The following MAPK8IP2 variants were observed in gnomAD, a reference collection of about 807,000 sequenced individuals.
MAPK8IP2 encodes C-Jun-amino-terminal kinase-interacting protein 2.
In MAPK8IP2, 15 loss-of-function variants were observed where a neutral mutation model predicts 75.6. The ratio of observed to expected loss-of-function variants is 0.20; its 90% CI spans 0.13 to 0.31. The LOEUF (loss-of-function observed/expected upper bound fraction) is 0.31, where lower values mean the gene tolerates loss of function less well. MAPK8IP2 is among the 10% of genes least tolerant of loss of function. The pLI, the probability that MAPK8IP2 is intolerant of heterozygous loss-of-function variation, is 1.00. For missense variants in MAPK8IP2, 1,089 were observed against 1,211.2 expected (o/e 0.90, Z 1.50); for synonymous variants, 632 against 554.5 (o/e 1.14, Z -1.96).
chr22:50,604,658 C>A lies in MAPK8IP2; in HGVS notation c.1359C>A (p.Pro453=), dbSNP rs1364085059. The A allele has an allele frequency of 6.6e-7, 1 of 1,522,146 alleles. No individual in the cohort carries two copies. The highest frequency in any genetic ancestry group is 8.8e-7 in the Non-Finnish European group (1 of 1,139,804). 94.3% of individuals were successfully genotyped at this position (1,522,146 alleles called of 1,614,324 possible). A position where few individuals can be genotyped will look rare whatever the true frequency, so the allele number is the denominator to read the frequency against. ...CCATCACGCCGCTGTGGGCCGCGCC[C>A]GGCCGCGCCGCCCGCCCGGGACGAG... ...RDTITPLWAA[P]GRAARPGRAC... The change falls in exon 5 of 12, where the codon CCC becomes CCA. Residue 453 remains proline (P), a synonymous_variant. Transcript: ENST00000329492.
Position 50,601,857 on chromosome 22 carries a change from G to A in MAPK8IP2, c.134G>A (p.Gly45Asp). The A allele has an allele frequency of 6.2e-7, 1 of 1,613,926 alleles. No homozygotes were observed. The change falls in exon 2 of 12, where the codon GGC (glycine) becomes GAC (aspartate). Residue 45 changes from glycine to aspartate, a missense_variant. Gly to Asp is a moderately conservative substitution (Grantham distance 94). Coordinates refer to ENST00000329492, the MANE Select transcript of MAPK8IP2 (RefSeq NM_012324.6). The part of the protein sequence containing the change: ...EDLSEITDDC[G>D]LGLSYDSDHC... ...CTGTCTGAGATCACTGATGACTGTG[G>A]CCTGGGCCTCAGCTACGACTCAGAC...
chr22:50,605,513 C>T (rs781440700), intron 6 of MAPK8IP2, 49 bp from the exon 7 acceptor site: 24 of 1,594,956 alleles, frequency 1.5e-5, no homozygotes, highest in Middle Eastern at 1.7e-4. Context: ...CCAGTGGACA[C>T]GACCGTCAAT....
At position 50,601,709 on chromosome 22, in the gene MAPK8IP2, T is replaced by C; in HGVS notation, c.66-80T>C. The stretch of plus-strand genomic sequence containing the variant: ...ACCACTGGGTGTAGGAGCTGACGCC[T>C]CCCTCTGCCCCTCCTCAGGGCCAGT... On this transcript the variant is annotated intron_variant, in intron 1 of 11. Transcript: ENST00000329492. The C allele has an allele frequency of 7.7e-6, 8 of 1,045,396 alleles. No individual in the cohort carries two copies. In the South Asian group the frequency reaches 1.0e-4, roughly 14 times the overall value. 64.8% of individuals were successfully genotyped at this position (1,045,396 alleles called of 1,614,324 possible).
At chr22:50,609,192 C>T (rs1395282626) in intron 10 of MAPK8IP2, among the ~76,000 whole-genome samples, 3 of 152,098 alleles carry the variant, frequency 2.0e-5, no homozygotes, top group Non-Finnish European at 2.9e-5. Context: ...GTCAGGAGAG[C>T]GTGGGGTGTG....
intron 1 of MAPK8IP2, chr22:50,601,572 G>A (rs993087742): frequency 5.6e-5 from 30 of 533,636 alleles, no homozygotes; most frequent in African/African-American, 5.3e-4. Flanking sequence ...TGGGGGCAGG[G>A]TTGGCTCCTC....
At chr22:50,608,240 G>A (rs1171867948) in intron 10 of MAPK8IP2, among the ~76,000 whole-genome samples, 2 of 152,224 alleles carry the variant, frequency 1.3e-5, no homozygotes, top group African/African-American at 4.8e-5. Flanking sequence ...ATGCGGAAAC[G>A]CTGCTCAGTG....
chr22:50,605,075 G>A lies in MAPK8IP2; in HGVS notation c.1765+11G>A. 6.2e-6 allele frequency: 10 copies of A among 1,612,224 alleles called. No homozygotes were observed. Among genetic ancestry groups the A allele is most frequent in the Non-Finnish European group, 7.6e-6 (9 of 1,179,710 alleles). ...CATCTCGGTCCTCCAGTGAGTGAGA[G>A]GTGGGGAAAAGGGGGGTGGCCCAGA... is the stretch of plus-strand genomic sequence containing the variant. On this transcript the variant is annotated intron_variant, in intron 5 of 11. Transcript: ENST00000329492.
Position 50,612,871 on chromosome 22 carries a change from C to A in MAPK8IP2, c.*2092C>A, listed in dbSNP as rs868790984. The A allele has an allele frequency of 1.3e-5, 2 of 153,848 alleles. No homozygotes were observed. The highest frequency in any genetic ancestry group is 1.9e-4 in the East Asian group (1 of 5,184). 9.5% of individuals were successfully genotyped at this position (153,848 alleles called of 1,614,324 possible). A position where few individuals can be genotyped will look rare whatever the true frequency, so the allele number is the denominator to read the frequency against. On this transcript the variant is annotated 3_prime_UTR_variant, in exon 12 of 12. Coordinates refer to ENST00000329492, the MANE Select transcript of MAPK8IP2 (RefSeq NM_012324.6). The stretch of plus-strand genomic sequence containing the variant: ...GCCCTCCGGCGCCCCCGTCCCGCCC[C>A]TGCCCGGCCTGGCCCCGCCCCTGCC...
Position 50,605,435 on chromosome 22 carries a change from T to G in MAPK8IP2, c.1833T>G (p.Ala611=). The change falls in exon 6 of 12, where the codon GCT becomes GCG. Residue 611 remains alanine, a synonymous_variant. Coordinates refer to ENST00000329492, the MANE Select transcript of MAPK8IP2 (RefSeq NM_012324.6). The part of the protein sequence containing the change: ...NGEEREQTHR[A]VFRFIPRHPD... ...AGGAGCGAGAGCAGACTCACCGGGC[T>G]GTGTTCAGGTACGGCCTCCCTCCTT... is the stretch of plus-strand genomic sequence containing the variant. 6.2e-7 allele frequency: 1 copy of G among 1,613,634 alleles called. No homozygotes were observed. Among genetic ancestry groups the G allele is most frequent in the Non-Finnish European group, 8.5e-7 (1 of 1,179,844 alleles).
At chr22:50,606,883 T>G (rs908655217) in intron 9 of MAPK8IP2, 38 bp from the exon 10 acceptor site, 4 of 1,609,536 alleles carry the variant, frequency 2.5e-6, no homozygotes, top group Non-Finnish European at 3.4e-6. Flanking sequence ...GCGCCAGGCC[T>G]CCTTTGACAC....
At position 50,605,624 on chromosome 22, in the gene MAPK8IP2, C is replaced by T. The variant is rs1347411851; in HGVS notation, c.1904C>T (p.Ala635Val). 1 of 1,609,870 alleles carries T rather than the reference C, an allele frequency of 6.2e-7. No individual in the cohort carries two copies. Among genetic ancestry groups the T allele is most frequent in the Middle Eastern group, 1.7e-4 (1 of 6,060 alleles). ...LDVDDPVLVE[A>V]EEDDFWFRGF... Reference sequence around the variant, plus strand: ...GTGGATGACCCTGTGTTGGTGGAGGCCGAGGAGGACGACTTCTGGTTCCGT... The same window carrying T: ...GTGGATGACCCTGTGTTGGTGGAGGTCGAGGAGGACGACTTCTGGTTCCGT... Residue 635 changes from alanine to valine, a missense_variant, in exon 7 of 12, where the codon GCC becomes GTC. Around this residue, in one of 2 missense-constraint regions of MAPK8IP2, gnomAD observed 960 missense variants for 1,009.6 expected, o/e 0.95. Transcript: ENST00000329492.
Position 50,605,662 on chromosome 22 carries a change from C to T in MAPK8IP2, c.1942C>T (p.Arg648Cys), listed in dbSNP as rs1484564944. The change falls in exon 7 of 12, where the codon CGC (arginine) becomes TGC (cysteine). Residue 648 changes from arginine (R) to cysteine (C), a missense_variant. By Grantham distance (180) the Arg-to-Cys change is radical. Around this residue, in one of 2 missense-constraint regions of MAPK8IP2, gnomAD observed 960 missense variants for 1,009.6 expected, o/e 0.95. Coordinates refer to ENST00000329492, the MANE Select transcript of MAPK8IP2 (RefSeq NM_012324.6). The part of the protein sequence containing the change: ...DDFWFRGFNM[R>C]TGERGVFPAF... ...CTTCTGGTTCCGTGGCTTCAACATG[C>T]GCACGGGGGAGCGCGGTGTGTTTCC... The T allele has an allele frequency of 6.2e-7, 1 of 1,612,462 alleles. No individual in the cohort carries two copies. The highest frequency in any genetic ancestry group is 8.5e-7 in the Non-Finnish European group (1 of 1,179,588).
Position 50,606,730 on chromosome 22 carries a change from G to T in MAPK8IP2, c.2197G>T (p.Gly733Trp). The T allele has an allele frequency of 6.3e-7, 1 of 1,589,988 alleles. No individual in the cohort carries two copies. Among genetic ancestry groups the T allele is most frequent in the Non-Finnish European group, 8.6e-7 (1 of 1,168,410 alleles). The stretch of plus-strand genomic sequence containing the variant: ...CTGTGACCTCGAGATCTCTCTTCGG[G>T]GGGTCAAGCTGAGTCTGAGCGGAGG... ...ASCDLEISLRGVKLSLSGGGP... is the reference protein window; with the variant it reads ...ASCDLEISLRWVKLSLSGGGP... The change falls in exon 9 of 12, where the codon GGG becomes TGG. Residue 733 changes from glycine to tryptophan, a missense_variant. Around this residue, in one of 2 missense-constraint regions of MAPK8IP2, gnomAD observed 129 missense variants for 201.7 expected, o/e 0.64. Coordinates refer to ENST00000329492, the MANE Select transcript of MAPK8IP2 (RefSeq NM_012324.6).
At chr22:50,609,987 A>G (rs767138373) in intron 10 of MAPK8IP2, 15 of 719,330 alleles carry the variant, frequency 2.1e-5, no homozygotes, top group Non-Finnish European at 3.3e-5. Flanking sequence ...CCTGGTCATC[A>G]TGGAATTAAC....
intron 10 of MAPK8IP2, among the ~76,000 whole-genome samples, chr22:50,608,138 C>G (rs567728995): frequency 8.6e-4 from 131 of 152,298 alleles, no homozygotes; most frequent in African/African-American, 3.0e-3. Flanking sequence ...GTGGACTCTC[C>G]CTGTGGTCGA....
intron 9 of MAPK8IP2, 75 bp downstream of exon 9, chr22:50,606,840 G>T (rs975950223): frequency 5.0e-6 from 8 of 1,594,246 alleles, no homozygotes; most frequent in Admixed American, 1.7e-5. Flanking sequence ...GGCCAGGCTG[G>T]CAGGGGTGTC....
In MAPK8IP2 at chr22:50,605,929, CAGA is replaced by C; in HGVS notation, c.2122_2124del (p.Lys708del). ...CAACGGCATCCTGTGTGCAGCCATGCAGAAGGTCAGTGTGGAGGCCGGGCAAGT... is the reference window on the plus strand; with the variant it reads ...CAACGGCATCCTGTGTGCAGCCATGCAGGTCAGTGTGGAGGCCGGGCAAGT... On this transcript the variant is annotated inframe_deletion and splice_region_variant, in exon 8 of 12. Transcript: ENST00000329492. 1 of 1,571,068 alleles carries C rather than the reference CAGA, an allele frequency of 6.4e-7. No homozygotes were observed. Among genetic ancestry groups the C allele is most frequent in the Non-Finnish European group, 8.6e-7 (1 of 1,160,860 alleles).
chr22:50,605,414 G>T lies in MAPK8IP2; in HGVS notation c.1812G>T (p.Glu604Asp). 1.2e-6 allele frequency: 2 copies of T among 1,613,704 alleles called. No homozygotes were observed. Among genetic ancestry groups the T allele is most frequent in the African/African-American group, 1.3e-5 (1 of 75,070 alleles). Residue 604 changes from glutamate (E) to aspartate (D), a missense_variant, in exon 6 of 12, where the codon GAG (glutamate) becomes GAT (aspartate). Around this residue, in one of 2 missense-constraint regions of MAPK8IP2, gnomAD observed 960 missense variants for 1,009.6 expected, o/e 0.95. Coordinates refer to ENST00000329492, the MANE Select transcript of MAPK8IP2 (RefSeq NM_012324.6). ...TCTCCTGTCTGGTCAACGGCGAGGA[G>T]CGAGAGCAGACTCACCGGGCTGTGT... The part of the protein sequence containing the change: ...GLFSCLVNGE[E>D]REQTHRAVFR...
In MAPK8IP2 at chr22:50,610,878, G is replaced by A. The variant is rs2071137859; in HGVS notation, c.*99G>A. On this transcript the variant is annotated 3_prime_UTR_variant, in exon 12 of 12. Coordinates refer to ENST00000329492, the MANE Select transcript of MAPK8IP2 (RefSeq NM_012324.6). The surrounding 1 kb of genome is among the most constrained non-coding windows in gnomAD (Gnocchi z 4.3). ...ATGGCTTTGGCAAGGACTGGATTGG[G>A]GGGACATGGGACCTTACGCTTGTGG... The A allele has an allele frequency of 8.5e-6, 9 of 1,060,238 alleles. No individual in the cohort carries two copies. In the South Asian group the frequency reaches 1.3e-4, roughly 15 times the overall value. 65.7% of individuals were successfully genotyped at this position (1,060,238 alleles called of 1,614,324 possible).
Sources: allele counts gnomAD v4.1 joint callset (sites outside exome capture counted in the v4.1 genomes callset), GRCh38; gene constraint gnomAD v4.1.1; regional missense constraint gnomAD v4.1.1; non-coding constraint Gnocchi (gnomAD v3.1); transcripts MANE v1.5; gene names NCBI Gene and HGNC (gene_info 2026-07-23, HGNC 2026-07-21).